Variants in P2RY14 observed in about 807,000 individuals in gnomAD.
P2RY14 encodes purinergic receptor P2Y14, also known as P2Y purinoceptor 14.
In P2RY14, 2 loss-of-function variants were observed where a neutral mutation model predicts 0.9. The ratio of observed to expected loss-of-function variants is 2.16; its 90% CI spans 0.88 to 6.79. The LOEUF (loss-of-function observed/expected upper bound fraction) is 6.79. P2RY14 is among the 30% of genes most tolerant of loss of function. P2RY14 has a pLI of 0.05. For synonymous variants in P2RY14, 158 were observed against 147.2 expected (o/e 1.07, Z -0.53); for missense variants, 378 against 400.1 (o/e 0.94, Z 0.47).
Position 151,214,231 on chromosome 3 carries a change from T to G in P2RY14, c.86A>C (p.Tyr29Ser). 1 of 1,613,912 alleles carries G rather than the reference T, an allele frequency of 6.2e-7. No homozygotes were observed. Among genetic ancestry groups the G allele is most frequent in the Non-Finnish European group, 8.5e-7 (1 of 1,179,826 alleles). ...LITQQIIPVL[Y>S]CMVFIAGILL... is the part of the protein sequence containing the mutation. ...GATTCCTGCAATGAAGACCATACAG[T>G]ACAGCACAGGAATGATCTGCTGAGT... Residue 29 changes from tyrosine to serine, a missense_variant, in exon 3 of 3, where the codon TAC becomes TCC. Tyr to Ser is a moderately radical substitution (Grantham distance 144). Coordinates refer to ENST00000309170, the MANE Select transcript of P2RY14 (RefSeq NM_014879.4).
chr3:151,269,702 A>C (rs1301241338), intron 1 of P2RY14: 1 of 418,776 alleles, frequency 2.4e-6, no homozygotes, highest in African/African-American at 2.1e-5. Flanking sequence ...TTTTATTTTG[A>C]TGAAAATCTT....
At chr3:151,253,016 C>T (rs1024568628) in intron 1 of P2RY14, among the ~76,000 whole-genome samples, 2 of 152,042 alleles carry the variant, frequency 1.3e-5, no homozygotes, top group African/African-American at 4.8e-5. Flanking sequence ...TATTACATGT[C>T]GTGAGCTAAA....
At chr3:151,250,360 A>T (rs1736600858) in intron 1 of P2RY14, among the ~76,000 whole-genome samples, 1 of 152,186 alleles carries the variant, frequency 6.6e-6, no homozygotes. Context: ...TTGTGTAACC[A>T]TCATCACCAT....
At chr3:151,240,749 C>G (rs1733910851) in intron 1 of P2RY14, among the ~76,000 whole-genome samples, 1 of 152,206 alleles carries the variant, frequency 6.6e-6, no homozygotes, top group South Asian at 2.1e-4. Context: ...CAGTTTTGTG[C>G]ACTCTTGCAT....
At chr3:151,218,654 G>A (rs1470927579) in intron 2 of P2RY14, among the ~76,000 whole-genome samples, 1 of 151,918 alleles carries the variant, frequency 6.6e-6, no homozygotes, top group African/African-American at 2.4e-5. Context: ...GGATCACGAG[G>A]TCAGGAGATT....
At chr3:151,261,137 G>T (rs760201886) in intron 1 of P2RY14, among the ~76,000 whole-genome samples, 1 of 152,008 alleles carries the variant, frequency 6.6e-6, no homozygotes, top group Non-Finnish European at 1.5e-5. Context: ...ATAAGAGGGG[G>T]TGCAATTTTA....
intron 1 of P2RY14, among the ~76,000 whole-genome samples, chr3:151,237,459 C>T (rs1183266965): frequency 1.4e-5 from 2 of 138,954 alleles, no homozygotes; most frequent in African/African-American, 5.3e-5. Flanking sequence ...AAGCGATTCT[C>T]CTGCCTCCGC....
intron 1 of P2RY14, among the ~76,000 whole-genome samples, chr3:151,274,293 C>G (rs1172146434): frequency 6.6e-6 from 1 of 152,084 alleles, no homozygotes; most frequent in East Asian, 1.9e-4. Flanking sequence ...TCAGTGGTAC[C>G]AGTTATAAGG....
Position 151,234,985 on chromosome 3 carries a change from G to A in P2RY14, c.-132-15343C>T, listed in dbSNP as rs113512468. The stretch of plus-strand genomic sequence containing the variant: ...TTCTATTTCTAACCACGTCATGGAC[G>A]TGGTTAACTTGTAGAAAAAGCTCAG... On this transcript the variant is annotated intron_variant, in intron 1 of 2. Coordinates refer to ENST00000309170, the MANE Select transcript of P2RY14 (RefSeq NM_014879.4). 6.3e-3 allele frequency among the ~76,000 whole-genome samples: 958 copies of A among 152,334 alleles called. 6 individuals carry two copies. The highest frequency in any genetic ancestry group is 0.011 in the South Asian group (53 of 4,828).
intron 1 of P2RY14, among the ~76,000 whole-genome samples, chr3:151,242,172 T>G (rs190185269): frequency 2.1e-3 from 324 of 152,208 alleles, no homozygotes; most frequent in African/African-American, 7.6e-3. Context: ...GAGATCAAAC[T>G]GCAAGGCAGC....
intron 2 of P2RY14, among the ~76,000 whole-genome samples, chr3:151,217,971 G>T (rs1182498682): frequency 6.6e-6 from 1 of 152,094 alleles, no homozygotes; most frequent in Non-Finnish European, 1.5e-5. Flanking sequence ...GCAGGAATAT[G>T]TGTTGGATGA....
At chr3:151,274,762 A>G (rs960902191) in intron 1 of P2RY14, among the ~76,000 whole-genome samples, 6 of 152,170 alleles carry the variant, frequency 3.9e-5, no homozygotes, top group African/African-American at 1.4e-4. Flanking sequence ...AATGACTATC[A>G]ATTCCTAGGA....
intron 1 of P2RY14, among the ~76,000 whole-genome samples, chr3:151,250,123 T>G (rs547831892): frequency 6.6e-6 from 1 of 152,312 alleles, no homozygotes; most frequent in East Asian, 1.9e-4. Flanking sequence ...GTTTGCTGTC[T>G]CCACTTTCCC....
At chr3:151,276,966 A>G (rs1254136068) in intron 1 of P2RY14, among the ~76,000 whole-genome samples, 3 of 152,024 alleles carry the variant, frequency 2.0e-5, no homozygotes, top group Non-Finnish European at 4.4e-5. Flanking sequence ...GCCCGATCTC[A>G]GCTCACCACA....
chr3:151,219,031 G>T (rs1728809704), intron 2 of P2RY14, among the ~76,000 whole-genome samples: 1 of 152,078 alleles, frequency 6.6e-6, no homozygotes, highest in African/African-American at 2.4e-5. Flanking sequence ...TGTCACTTTG[G>T]AGACTTTGGT....
chr3:151,239,219 G>A (rs1733579540), intron 1 of P2RY14, among the ~76,000 whole-genome samples: 1 of 152,162 alleles, frequency 6.6e-6, no homozygotes, highest in South Asian at 2.1e-4. Flanking sequence ...TTGGGCATAA[G>A]TAAAACACAT....
At position 151,213,949 on chromosome 3, in the gene P2RY14, A is replaced by G. The variant is rs768728429; in HGVS notation, c.368T>C (p.Ile123Thr). 1.2e-6 allele frequency: 2 copies of G among 1,614,108 alleles called. No individual in the cohort carries two copies. Among genetic ancestry groups the G allele is most frequent in the African/African-American group, 1.3e-5 (1 of 75,038 alleles). Residue 123 changes from isoleucine to threonine, a missense_variant, in exon 3 of 3, where the codon ATT becomes ACT. Physicochemically the swap from Ile to Thr is moderately conservative, Grantham distance 89. Coordinates refer to ENST00000309170, the MANE Select transcript of P2RY14 (RefSeq NM_014879.4). ...GAAAGAAGTCCAAAGAGGCTTTACA[A>G]TTTTATAATATCTGTCAAAGCTGAT... ...GLISFDRYYK[I>T]VKPLWTSFIQ...
chr3:151,270,295 C>T (rs1317927943), intron 1 of P2RY14, among the ~76,000 whole-genome samples: 1 of 148,636 alleles, frequency 6.7e-6, no homozygotes, highest in African/African-American at 2.5e-5. Context: ...CTCTACACCA[C>T]AGCTCTCAAC....
At chr3:151,253,875 G>C (rs1215592925) in intron 1 of P2RY14, among the ~76,000 whole-genome samples, 2 of 152,010 alleles carry the variant, frequency 1.3e-5, no homozygotes, top group Non-Finnish European at 2.9e-5. Flanking sequence ...ACTGAAAAAG[G>C]TCTTTCATAT....
Sources: allele counts gnomAD v4.1 joint callset (sites outside exome capture counted in the v4.1 genomes callset), GRCh38; gene constraint gnomAD v4.1.1; transcripts MANE v1.5; gene names NCBI Gene and HGNC (gene_info 2026-07-23, HGNC 2026-07-21).